Variants in ACAP2 observed in about 807,000 individuals in gnomAD.
ACAP2 encodes ArfGAP with coiled-coil, ankyrin repeat and PH domains 2, also known as arf-GAP with coiled-coil, ANK repeat and PH domain-containing protein 2.
In ACAP2, 39 loss-of-function variants were observed where a neutral mutation model predicts 115.8. The ratio of observed to expected loss-of-function variants is 0.34; its 90% confidence interval spans 0.26 to 0.44. The LOEUF (loss-of-function observed/expected upper bound fraction) is 0.44. Among genes scored for constraint, ACAP2 ranks in the 20% least tolerant of loss-of-function variants. ACAP2 has a pLI of 1.00. For synonymous variants in ACAP2, 289 were observed against 315.8 expected, an observed-to-expected ratio of 0.92 and a Z score of 0.90; for missense variants, 662 against 927.6, an observed-to-expected ratio of 0.71 and a Z score of 3.72.
chr3:195,326,811 T>C (rs1251791233), intron 9 of ACAP2, 74 bp downstream of exon 9: 3 of 1,295,020 alleles, frequency 2.3e-6, no homozygotes, highest in South Asian at 2.4e-5. Flanking sequence ...TCCAATACAA[T>C]GATACCTTGC....
intron 4 of ACAP2, among the ~76,000 whole-genome samples, chr3:195,375,522 A>T (rs558762784): frequency 8.6e-5 from 13 of 151,748 alleles, no homozygotes; most frequent in African/African-American, 2.4e-4. Context: ...AAAAAAAAAA[A>T]AAATACTGGC....
intron 11 of ACAP2, among the ~76,000 whole-genome samples, chr3:195,308,231 T>C (rs560930924): frequency 6.6e-5 from 10 of 152,154 alleles, no homozygotes; most frequent in Non-Finnish European, 1.2e-4. Flanking sequence ...TTTGGCCCTA[T>C]TGTGACATTA....
Position 195,320,806 on chromosome 3 carries a change from G to T in ACAP2, c.752C>A (p.Ser251Tyr). The T allele has an allele frequency of 6.2e-7, 1 of 1,609,858 alleles. No homozygotes were observed. The highest frequency in any genetic ancestry group is 8.5e-7 in the Non-Finnish European group (1 of 1,176,624). Reference sequence around the variant, plus strand: ...ATATTCTAACTTAGAATCATCACTGGAGAAATCCTACACAAAATAACACAT... The same window carrying T: ...ATATTCTAACTTAGAATCATCACTGTAGAAATCCTACACAAAATAACACAT... The part of the protein sequence containing the change: ...KHSTIQQKDF[S>Y]SDDSKLEYNV... Residue 251 changes from serine to tyrosine, a missense_variant, in exon 10 of 23, where the codon TCC becomes TAC. Ser to Tyr is a moderately radical substitution (Grantham distance 144, BLOSUM62 -2). Around this residue, in one of 3 missense-constraint regions of ACAP2, gnomAD observed 401 missense variants for 604.4 expected, o/e 0.66. Coordinates refer to ENST00000326793, the MANE Select transcript of ACAP2 (RefSeq NM_012287.6).
At chr3:195,405,185 G>C (rs1712651245) in intron 1 of ACAP2, among the ~76,000 whole-genome samples, 1 of 152,186 alleles carries the variant, frequency 6.6e-6, no homozygotes, top group South Asian at 2.1e-4. Context: ...GGTACGGACA[G>C]ATCGAGATCT....
intron 9 of ACAP2, among the ~76,000 whole-genome samples, chr3:195,325,903 C>T (rs1318880097): frequency 2.0e-5 from 3 of 152,026 alleles, no homozygotes; most frequent in Admixed American, 6.6e-5. Context: ...CAAAATAAAA[C>T]GTGGAGTTTG....
intron 4 of ACAP2, among the ~76,000 whole-genome samples, chr3:195,377,138 C>CTTTTTTATTT (rs1733602783): frequency 1.3e-5 from 1 of 77,082 alleles, no homozygotes; most frequent in Non-Finnish European, 2.3e-5. Flanking sequence ...GAATGTAAAT[C>CTTTTTTATTT]TTTTTTTTTT....
At chr3:195,351,654 A>C (rs35589718) in intron 4 of ACAP2, among the ~76,000 whole-genome samples, 67,079 of 151,138 alleles carry the variant, frequency 0.44, 15,519 homozygotes, top group East Asian at 0.86. Context: ...TTAGTAGACA[A>C]AGGGTTTCAC....
intron 1 of ACAP2, among the ~76,000 whole-genome samples, chr3:195,425,046 A>AAAC (rs1714575083): frequency 6.7e-6 from 1 of 148,944 alleles, no homozygotes; most frequent in African/African-American, 2.5e-5. Flanking sequence ...AAAAAAAAAA[A>AAAC]AAAAAAAAGA....
chr3:195,361,788 C>T (rs1230776661), intron 4 of ACAP2, among the ~76,000 whole-genome samples: 1 of 151,824 alleles, frequency 6.6e-6, no homozygotes, highest in African/African-American at 2.4e-5. Context: ...TTTAGCCAGA[C>T]TAAGAAAAGA....
At chr3:195,315,247 CT>C (rs1337517124) in intron 10 of ACAP2, among the ~76,000 whole-genome samples, 3 of 152,192 alleles carry the variant, frequency 2.0e-5, no homozygotes, top group African/African-American at 7.2e-5. Flanking sequence ...TCTCCAATTC[CT>C]GGGCTCAGGC....
At chr3:195,293,123 C>T (rs955889896) in intron 18 of ACAP2, among the ~76,000 whole-genome samples, 3 of 152,124 alleles carry the variant, frequency 2.0e-5, no homozygotes, top group Non-Finnish European at 4.4e-5. Flanking sequence ...TCTGTTCTTG[C>T]CAGTATCCAA....
At chr3:195,295,952 A>C in intron 16 of ACAP2, 60 bp from the exon 17 acceptor site, 1 of 1,403,516 alleles carries the variant, frequency 7.1e-7, no homozygotes, top group Non-Finnish European at 9.8e-7. Context: ...CTAATACCAC[A>C]ACAAGCCATT....
chr3:195,334,206 C>CAA (rs907574936), intron 7 of ACAP2, among the ~76,000 whole-genome samples: 1 of 132,160 alleles, frequency 7.6e-6, no homozygotes, highest in African/African-American at 2.9e-5. Flanking sequence ...AAAAATCCTC[C>CAA]AAAAAAAACT....
At chr3:195,282,902 G>A (rs941417822) in intron 22 of ACAP2, among the ~76,000 whole-genome samples, 1 of 152,140 alleles carries the variant, frequency 6.6e-6, no homozygotes, top group South Asian at 2.1e-4. Flanking sequence ...CAGCAGTTAT[G>A]ATGATTCAAG....
intron 4 of ACAP2, chr3:195,356,319 G>A (rs1362357292): frequency 2.1e-5 from 8 of 382,722 alleles, no homozygotes; most frequent in Non-Finnish European, 3.7e-5. Flanking sequence ...CACACAGCCT[G>A]GAGGTTGGAA....
chr3:195,385,272 C>T (rs1734222644), intron 2 of ACAP2, among the ~76,000 whole-genome samples: 1 of 149,974 alleles, frequency 6.7e-6, no homozygotes, highest in African/African-American at 2.5e-5. Context: ...AGATTCTTAG[C>T]ACAAACTTAC....
At chr3:195,297,382 C>T in intron 15 of ACAP2, 101 bp from the exon 16 acceptor site, 4 of 878,266 alleles carry the variant, frequency 4.6e-6, no homozygotes, top group Non-Finnish European at 6.9e-6. Context: ...AACTAATCCC[C>T]TTACACATTC....
intron 15 of ACAP2, among the ~76,000 whole-genome samples, chr3:195,301,002 G>A (rs1271678265): frequency 6.6e-6 from 1 of 152,242 alleles, no homozygotes; most frequent in South Asian, 2.1e-4. Flanking sequence ...ACAAGGGAGC[G>A]AAGACCTTGT....
chr3:195,380,679 T>C (rs1412344002), intron 4 of ACAP2, among the ~76,000 whole-genome samples: 4 of 152,352 alleles, frequency 2.6e-5, no homozygotes, highest in African/African-American at 9.6e-5. Flanking sequence ...TTTACTTCTT[T>C]ATTCTTAAGT....
Sources: gnomAD v4.1 joint callset for allele counts (sites outside exome capture counted in the v4.1 genomes callset) on GRCh38, gnomAD v4.1.1 for gene constraint, gnomAD v4.1.1 regional missense constraint, MANE v1.5 for transcripts, NCBI Gene and HGNC (gene_info 2026-07-23, HGNC 2026-07-21) for gene names.